HS1BP3: variants seen among roughly 807,000 people sequenced by gnomAD.
HS1BP3 encodes HCLS1 binding protein 3.
A neutral mutation model predicts 33.5 loss-of-function variants in HS1BP3; 32 were observed. That is an observed-to-expected ratio of 0.95 (90% CI 0.72 to 1.28). The LOEUF (loss-of-function observed/expected upper bound fraction) is 1.28, where lower values mean the gene tolerates loss of function less well. HS1BP3 is among the 50% of genes most tolerant of loss of function. The probability of loss-of-function intolerance (pLI) is 0.00; values close to 1 mark genes in which losing one functional copy is unlikely to be tolerated. For missense variants in HS1BP3, 486 were observed against 502.3 expected, an observed-to-expected ratio of 0.97 and a Z score of 0.31; for synonymous variants, 187 against 209.2, an observed-to-expected ratio of 0.89 and a Z score of 0.92.
At chr2:20,642,820 C>G (rs770473996) in intron 2 of HS1BP3, among the ~76,000 whole-genome samples, 1 of 152,324 alleles carries the variant, frequency 6.6e-6, no homozygotes, top group Non-Finnish European at 1.5e-5. Context: ...GTTGAGAACT[C>G]ACATTTATCT....
chr2:20,635,235 T>C (rs1383057927), intron 4 of HS1BP3: 1 of 152,174 alleles, frequency 6.6e-6, no homozygotes, highest in African/African-American at 2.4e-5. Context: ...CTCAGGTTAT[T>C]GCCTGTAATA....
rs1297131458 is a variant in HS1BP3, at chr2:20,624,851, G to A, written c.665C>T (p.Ala222Val). 6.2e-7 allele frequency: 1 copy of A among 1,613,820 alleles called. No homozygotes were observed. The highest frequency in any genetic ancestry group is 1.7e-5 in the Admixed American group (1 of 59,962). The change falls in exon 5 of 7, where the codon GCC becomes GTC. Residue 222 changes from alanine (A) to valine (V), a missense_variant. By Grantham distance (64) the Ala-to-Val change is moderately conservative. Transcript: ENST00000304031. The stretch of plus-strand genomic sequence containing the variant: ...GATGGTGAGCCGGGGCGAGGGCTTG[G>A]CTTTCACGGCCACTTTGGGATGTTT... ...PKKHPKVAVK[A>V]KPSPRLTIFD...
intron 5 of HS1BP3, among the ~76,000 whole-genome samples, chr2:20,563,698 C>T (rs1475820765): frequency 6.6e-6 from 1 of 152,196 alleles, no homozygotes; most frequent in Non-Finnish European, 1.5e-5. Flanking sequence ...ATTCTTTTGC[C>T]ATTCCTGCAC....
chr2:20,627,006 C>A (rs544270313), intron 4 of HS1BP3, among the ~76,000 whole-genome samples: 1 of 152,228 alleles, frequency 6.6e-6, no homozygotes, highest in Non-Finnish European at 1.5e-5. Context: ...CCCACTGAGT[C>A]GGAAACCCCA....
chr2:20,648,494 C>T (rs1242789876), intron 1 of HS1BP3, among the ~76,000 whole-genome samples: 1 of 152,212 alleles, frequency 6.6e-6, no homozygotes, highest in East Asian at 1.9e-4. Flanking sequence ...CAAGCTCTGC[C>T]TTCACTGGTG....
chr2:20,619,245 T>C lies in HS1BP3; in HGVS notation c.921A>G (p.Arg307=). The change falls in exon 7 of 7, where the codon AGA becomes AGG. Residue 307 remains arginine (R), a splice_region_variant and synonymous_variant. Coordinates refer to ENST00000304031, the MANE Select transcript of HS1BP3 (RefSeq NM_022460.4). ...SHRDASKELF[R]VEEDLDQILN... ...GAATCTGGTCCAAGTCCTCTTCAAC[T>C]CTAGGGAACCACAGGGAGGAACCCT... 6.3e-7 allele frequency: 1 copy of C among 1,596,974 alleles called. No individual in the cohort carries two copies. The highest frequency in any genetic ancestry group is 8.5e-7 in the Non-Finnish European group (1 of 1,170,388).
the HS1BP3 span, among the ~76,000 whole-genome samples, chr2:20,555,074 G>A: frequency 3.3e-5 from 5 of 152,266 alleles, no homozygotes; most frequent in South Asian, 2.1e-4. Flanking sequence ...GGCCTGCAGC[G>A]CTAACTGTTC....
chr2:20,590,216 T>C (rs1210896264), downstream of HS1BP3, among the ~76,000 whole-genome samples: 2 of 152,188 alleles, frequency 1.3e-5, no homozygotes, highest in East Asian at 3.9e-4. Context: ...GTGTGTGTTT[T>C]TTGGTGCAGC....
At chr2:20,579,151 G>A (rs1454212819) in intron 5 of HS1BP3, among the ~76,000 whole-genome samples, 2 of 152,384 alleles carry the variant, frequency 1.3e-5, no homozygotes, top group East Asian at 3.9e-4. Flanking sequence ...CTGAGGCTGG[G>A]CGGCCACCAG....
At position 20,624,829 on chromosome 2, in the gene HS1BP3, G is replaced by A. The variant is rs372243328; in HGVS notation, c.687C>T (p.Thr229=). The A allele has an allele frequency of 6.2e-7, 1 of 1,613,828 alleles. No individual in the cohort carries two copies. Residue 229 remains threonine (T), a synonymous_variant, in exon 5 of 7, where the codon ACC becomes ACT. Coordinates refer to ENST00000304031, the MANE Select transcript of HS1BP3 (RefSeq NM_022460.4). ...CAGGGTCCACCTCCTCGTCAAAGAT[G>A]GTGAGCCGGGGCGAGGGCTTGGCTT... ...AVKAKPSPRL[T]IFDEEVDPDE...
At chr2:20,584,518 C>T (rs949548590) in intron 5 of HS1BP3, among the ~76,000 whole-genome samples, 2 of 152,304 alleles carry the variant, frequency 1.3e-5, no homozygotes, top group African/African-American at 2.4e-5. Context: ...TAAGGCTCTT[C>T]GGGTCAGCAG....
chr2:20,556,248 TCTC>T (rs1301426646), downstream of HS1BP3, among the ~76,000 whole-genome samples: 1 of 152,348 alleles, frequency 6.6e-6, no homozygotes, highest in East Asian at 1.9e-4. Flanking sequence ...CTTTCACTCA[TCTC>T]CTGGTTTTGT....
At chr2:20,587,056 T>G (rs1323291805) in intron 5 of HS1BP3, among the ~76,000 whole-genome samples, 1 of 152,182 alleles carries the variant, frequency 6.6e-6, no homozygotes, top group Admixed American at 6.5e-5. Flanking sequence ...AAAATGTAAA[T>G]GTCTTGAAAT....
chr2:20,573,243 G>A (rs1693317470), intron 5 of HS1BP3, among the ~76,000 whole-genome samples: 1 of 152,132 alleles, frequency 6.6e-6, no homozygotes, highest in South Asian at 2.1e-4. Flanking sequence ...AGAAGCTAGA[G>A]GGGCAAAGCA....
At chr2:20,617,014 C>T (rs1211052180), downstream of HS1BP3, among the ~76,000 whole-genome samples, 2 of 152,136 alleles carry the variant, frequency 1.3e-5, no homozygotes, top group Non-Finnish European at 2.9e-5. Flanking sequence ...GAATACACAA[C>T]GGGCAGGCCA....
intron 3 of HS1BP3, among the ~76,000 whole-genome samples, chr2:20,596,539 C>T (rs1196494819): frequency 2.0e-5 from 3 of 152,176 alleles, no homozygotes; most frequent in African/African-American, 7.2e-5. Context: ...TCACCAGGCA[C>T]CAAATCAACT....
chr2:20,612,222 C>T lies in HS1BP3; in HGVS notation c.178+11674G>A, dbSNP rs553316766. On this transcript the variant is annotated intron_variant, in intron 2 of 3. Transcript: ENST00000415264. ...TCACACAGCCAGGAAGCCCAAAAGCCAGGAGTTGGCTCACATTTTTAATCT... is the reference window on the plus strand; with the variant it reads ...TCACACAGCCAGGAAGCCCAAAAGCTAGGAGTTGGCTCACATTTTTAATCT... Among the ~76,000 whole-genome samples, 38 of 152,292 alleles carry T rather than the reference C, an allele frequency of 2.5e-4. No homozygotes were observed. The South Asian group carries it at 7.7e-3, about 31-fold the overall frequency.
chr2:20,647,866 C>G (rs1695564814), intron 1 of HS1BP3, among the ~76,000 whole-genome samples: 1 of 152,168 alleles, frequency 6.6e-6, no homozygotes, highest in Non-Finnish European at 1.5e-5. Context: ...TCTGGTTCTG[C>G]AGGCCCCGGG....
At chr2:20,604,436 G>A (rs1449193615) in intron 2 of HS1BP3, among the ~76,000 whole-genome samples, 2 of 152,180 alleles carry the variant, frequency 1.3e-5, no homozygotes, top group Non-Finnish European at 2.9e-5. Context: ...AGGCCTCCTC[G>A]TGTTAGAGAC....
Sources: gnomAD v4.1 joint callset for allele counts (sites outside exome capture counted in the v4.1 genomes callset) on GRCh38, gnomAD v4.1.1 for gene constraint, MANE v1.5 for transcripts, NCBI Gene and HGNC (gene_info 2026-07-23, HGNC 2026-07-21) for gene names.